Variants in WDR7 observed in about 807,000 individuals in gnomAD.
The protein encoded by WDR7 is WD repeat domain 7, also known as WD repeat-containing protein 7.
A neutral mutation model predicts 169.4 loss-of-function variants in WDR7; 46 were observed. The observed-to-expected ratio is 0.27, with a 90% confidence interval of 0.21 to 0.35. WDR7 has a LOEUF of 0.35. Ranked by LOEUF, WDR7 falls within the 10% of genes least tolerant of loss-of-function variation. The pLI, the probability that WDR7 is intolerant of heterozygous loss-of-function variation, is 1.00. For synonymous variants in WDR7, 612 were observed against 666.8 expected (o/e 0.92, Z 1.27); for missense variants, 1,534 against 1,859.3 (o/e 0.83, Z 3.22).
chr18:56,973,243 A>G (rs2047518424), intron 26 of WDR7, among the ~76,000 whole-genome samples: 1 of 152,238 alleles, frequency 6.6e-6, no homozygotes, highest in Admixed American at 6.5e-5. Flanking sequence ...CCAAGAAAAA[A>G]TAAATTATAT....
chr18:56,759,013 C>A, intron 16 of WDR7, 60 bp downstream of exon 16: 1 of 1,346,488 alleles, frequency 7.4e-7, no homozygotes, highest in Non-Finnish European at 1.1e-6. Flanking sequence ...ACTGAGGAGG[C>A]ATAGCTAATG....
chr18:56,783,431 G>T lies in WDR7; in HGVS notation c.3190+1775G>T, dbSNP rs576446313. Reference sequence around the variant, plus strand: ...TCATCATAAGCTTTATTGAATATAAGATCCCCAAAATTAAGGACAAACTAT... The same window carrying T: ...TCATCATAAGCTTTATTGAATATAATATCCCCAAAATTAAGGACAAACTAT... On this transcript the variant is annotated intron_variant, in intron 19 of 27. Coordinates refer to ENST00000254442, the MANE Select transcript of WDR7 (RefSeq NM_015285.3). Among the ~76,000 whole-genome samples the T allele has an allele frequency of 2.7e-4, 41 of 152,170 alleles. No individual in the cohort carries two copies. The South Asian group carries it at 8.3e-3, about 31-fold the overall frequency.
chr18:56,690,957 T>G (rs756257127), intron 7 of WDR7, among the ~76,000 whole-genome samples: 3 of 152,160 alleles, frequency 2.0e-5, no homozygotes, highest in Non-Finnish European at 4.4e-5. Flanking sequence ...ACTGTTCCTG[T>G]AGTGGGGAGC....
chr18:56,703,792 A>T (rs2025887691), intron 12 of WDR7, among the ~76,000 whole-genome samples: 1 of 152,046 alleles, frequency 6.6e-6, no homozygotes, highest in Non-Finnish European at 1.5e-5. Flanking sequence ...ACATTTTAGA[A>T]TGTTGCTTTA....
At position 57,026,998 on chromosome 18, in the gene WDR7, C is replaced by G. The variant is rs751982640; in HGVS notation, c.4270-6C>G. 68 of 1,613,042 alleles carry G rather than the reference C, an allele frequency of 4.2e-5. No individual in the cohort carries two copies. Among genetic ancestry groups the G allele is most frequent in the Non-Finnish European group, 5.7e-5 (67 of 1,179,570 alleles). ...AAGTGACACATGTGCTCTCCTGTCC[C>G]TCCAGATGAACACGTCACTGCTGGG... On this transcript the variant is annotated splice_polypyrimidine_tract_variant and splice_region_variant and intron_variant, in intron 27 of 27. Coordinates refer to ENST00000254442, the MANE Select transcript of WDR7 (RefSeq NM_015285.3).
At chr18:56,677,969 C>G (rs2025277317) in intron 2 of WDR7, among the ~76,000 whole-genome samples, 1 of 151,874 alleles carries the variant, frequency 6.6e-6, no homozygotes, top group Non-Finnish European at 1.5e-5. Flanking sequence ...TCTTTTGTTT[C>G]CTTTGACTGT....
At chr18:56,743,794 A>C (rs2043657115) in intron 14 of WDR7, among the ~76,000 whole-genome samples, 1 of 152,194 alleles carries the variant, frequency 6.6e-6, no homozygotes, top group Non-Finnish European at 1.5e-5. Flanking sequence ...ATGATGATCA[A>C]GTAGTGAGAG....
rs79040641 is a variant in WDR7 at position 56,684,085 on chromosome 18, GA to G, written c.520+1234del. Among the ~76,000 whole-genome samples the G allele has an allele frequency of 2.8e-3, 420 of 152,274 alleles. 4 individuals carry two copies. In the East Asian group the frequency reaches 0.038, roughly 14 times the overall value. ...CAGATGAAGTCTGATCTAGGATTTG[GA>G]AGATGAGAAAGAGTTTAGCAGACCT... On this transcript the variant is annotated intron_variant, in intron 5 of 27. Transcript: ENST00000254442.
intron 20 of WDR7, among the ~76,000 whole-genome samples, chr18:56,858,215 CTTCACTCTCTTTAGCTCAGACTTTT>C (rs974597880): frequency 6.6e-6 from 1 of 152,150 alleles, no homozygotes; most frequent in African/African-American, 2.4e-5. Context: ...ATGTTTGACT[CTTCACTCTCTTTAGCTCAGACTTTT>C]TATTCCTGTG....
intron 26 of WDR7, among the ~76,000 whole-genome samples, chr18:56,969,885 C>T (rs2145796632): frequency 6.6e-6 from 1 of 152,246 alleles, no homozygotes; most frequent in Middle Eastern, 3.4e-3. Flanking sequence ...GTCTTTCTTA[C>T]TAGAGAAGGC....
chr18:56,683,813 C>G (rs77897446), intron 5 of WDR7, among the ~76,000 whole-genome samples: 1,898 of 152,228 alleles, frequency 0.012, 48 homozygotes, highest in African/African-American at 0.042. Flanking sequence ...TGCTTTGTAA[C>G]CTCTTAGGGT....
chr18:56,794,302 C>CTTTTTTTTTTTTTTTTTTTTTTT (rs1217568621), intron 19 of WDR7, among the ~76,000 whole-genome samples: 2 of 29,466 alleles, frequency 6.8e-5, no homozygotes, highest in Non-Finnish European at 9.1e-5. Context: ...AAGGTAAAGT[C>CTTTTTTTTTTTTTTTTTTTTTTT]TATTTTTTTT....
chr18:56,848,148 C>T (rs566488490), intron 20 of WDR7, among the ~76,000 whole-genome samples: 36 of 152,286 alleles, frequency 2.4e-4, no homozygotes, highest in African/African-American at 4.8e-4. Flanking sequence ...ATGGGCCTTG[C>T]GAGCCTACCC....
intron 7 of WDR7, among the ~76,000 whole-genome samples, chr18:56,690,817 G>GA (rs61215067): frequency 6.0e-5 from 9 of 149,804 alleles, no homozygotes; most frequent in African/African-American, 2.2e-4. Context: ...TTTGTCTCAA[G>GA]AAAAAAAAAA....
intron 1 of WDR7, among the ~76,000 whole-genome samples, chr18:56,660,161 A>G (rs1394889810): frequency 6.6e-6 from 1 of 152,210 alleles, no homozygotes; most frequent in African/African-American, 2.4e-5. Context: ...GTTGCCAATA[A>G]CTAAGATGGG....
chr18:56,944,684 A>G (rs1263958666), intron 25 of WDR7, among the ~76,000 whole-genome samples: 3 of 152,254 alleles, frequency 2.0e-5, no homozygotes, highest in Non-Finnish European at 4.4e-5. Flanking sequence ...GTTTGAAAAC[A>G]GAAATGGTTT....
intron 25 of WDR7, among the ~76,000 whole-genome samples, chr18:56,954,129 T>A (rs2047218884): frequency 6.6e-6 from 1 of 152,226 alleles, no homozygotes; most frequent in Admixed American, 6.5e-5. Context: ...TTACTTAAGA[T>A]GTTACTTCTA....
rs553288884 is a variant in WDR7 at position 56,710,616 on chromosome 18, G to C, written c.1579-7348G>C. On this transcript the variant is annotated intron_variant, in intron 12 of 27. Transcript: ENST00000254442. Reference sequence around the variant, plus strand: ...TTTAGGATTATTTTCTTTGGATATAGTCTACTCAATGAAAGTATCAGAACC... The same window carrying C: ...TTTAGGATTATTTTCTTTGGATATACTCTACTCAATGAAAGTATCAGAACC... 1.4e-3 allele frequency among the ~76,000 whole-genome samples: 212 copies of C among 152,148 alleles called. 1 individual carries two copies. Among genetic ancestry groups the C allele is most frequent in the Middle Eastern group, 6.8e-3 (2 of 292 alleles).
At position 56,718,116 on chromosome 18, in the gene WDR7, G is replaced by A. The variant is rs1197054156; in HGVS notation, c.1731G>A (p.Val577=). 1 of 1,614,098 alleles carries A rather than the reference G, an allele frequency of 6.2e-7. No individual in the cohort carries two copies. The highest frequency in any genetic ancestry group is 1.3e-5 in the African/African-American group (1 of 75,036). ...GGCCTTCTGATGATTACCTGGTGGT[G>A]GGGTGTTCAGATGGTTCTGTGTACG... ...KWRPSDDYLV[V]GCSDGSVYVW... Residue 577 remains valine, a synonymous_variant, in exon 13 of 28, where the codon GTG becomes GTA. Transcript: ENST00000254442.
Sources: allele counts gnomAD v4.1 joint callset (sites outside exome capture counted in the v4.1 genomes callset), GRCh38; gene constraint gnomAD v4.1.1; transcripts MANE v1.5; gene names NCBI Gene and HGNC (gene_info 2026-07-23, HGNC 2026-07-21).